Variants in FLACC1 observed in about 807,000 individuals in gnomAD.
The protein encoded by FLACC1 is flagellum associated containing coiled-coil domains 1, also known as flagellum-associated coiled-coil domain-containing protein 1.
FLACC1 carries 66 observed loss-of-function variants against 62.8 expected under a neutral mutation model. The observed-to-expected ratio is 1.05, with a 90% CI of 0.86 to 1.29. The LOEUF is 1.29. Ranked by LOEUF, FLACC1 falls within the 50% of genes most tolerant of loss-of-function variation. The pLI is 0.00. For missense variants in FLACC1, 452 were observed against 489.1 expected (o/e 0.92, Z 0.71); for synonymous variants, 156 against 161.0 (o/e 0.97, Z 0.24).
intron 7 of FLACC1, among the ~76,000 whole-genome samples, 196 bp downstream of exon 7, chr2:201,342,170 ACTTT>A (rs1950821997): frequency 6.6e-6 from 1 of 152,182 alleles, no homozygotes; most frequent in African/African-American, 2.4e-5. Context: ...AGCAGTAATA[ACTTT>A]CTTTGTGGTT....
At chr2:201,355,737 G>C (rs6739454) in intron 1 of FLACC1, among the ~76,000 whole-genome samples, 4,288 of 152,052 alleles carry the variant, frequency 0.028, 206 homozygotes, top group African/African-American at 0.097. Flanking sequence ...GAGTGTGCCT[G>C]TAGTCCCAGC....
At chr2:201,334,861 G>T (rs921681674) in intron 7 of FLACC1, among the ~76,000 whole-genome samples, 3 of 151,486 alleles carry the variant, frequency 2.0e-5, no homozygotes, top group Non-Finnish European at 4.4e-5. Flanking sequence ...AATCTGAGAA[G>T]AATTGATGTT....
intron 7 of FLACC1, among the ~76,000 whole-genome samples, chr2:201,334,449 C>A (rs1366503017): frequency 6.6e-6 from 1 of 152,016 alleles, no homozygotes; most frequent in Non-Finnish European, 1.5e-5. Flanking sequence ...TTATAATGTT[C>A]TTGTCTGACT....
intron 11 of FLACC1, among the ~76,000 whole-genome samples, chr2:201,303,962 C>T (rs1466087584): frequency 6.6e-6 from 1 of 152,196 alleles, no homozygotes; most frequent in East Asian, 1.9e-4. Context: ...GACAAACCCA[C>T]AGCCAATATC....
At position 201,309,794 on chromosome 2, in the gene FLACC1, C is replaced by A. The variant is rs184234024; in HGVS notation, c.676-544G>T. Among the ~76,000 whole-genome samples, 37 of 150,208 alleles carry A rather than the reference C, an allele frequency of 2.5e-4. No individual in the cohort carries two copies. The East Asian group carries it at 6.1e-3, about 25-fold the overall frequency. ...TGGTGGCACACACCTGTAGTCCCAG[C>A]TACTTGGGAGGCTGAGGCAGGAGAC... is the stretch of plus-strand genomic sequence containing the variant. On this transcript the variant is annotated intron_variant, in intron 9 of 14. Transcript: ENST00000392257.
At position 201,348,104 on chromosome 2, in the gene FLACC1, C is replaced by T. The variant is rs540465758; in HGVS notation, c.234+150G>A. On this transcript the variant is annotated intron_variant, in intron 4 of 14. Coordinates refer to ENST00000392257, the MANE Select transcript of FLACC1 (RefSeq NM_001127391.3). ...AGTCGTGGTTCTTCCACTTACCTGC[C>T]GTGCATAATGTGCAATATTAACAGC... The T allele has an allele frequency of 1.9e-4, 128 of 682,204 alleles. No individual in the cohort carries two copies. In the South Asian group the frequency reaches 2.6e-3, roughly 14 times the overall value. 42.3% of individuals were successfully genotyped at this position (682,204 alleles called of 1,614,324 possible). A position where few individuals can be genotyped will look rare whatever the true frequency, so the allele number is the denominator to read the frequency against.
upstream of FLACC1, among the ~76,000 whole-genome samples, chr2:201,358,037 C>T (rs1326041737): frequency 6.6e-6 from 1 of 151,970 alleles, no homozygotes; most frequent in African/African-American, 2.4e-5. Flanking sequence ...ATTTCATGAT[C>T]CTGGTGGGTC....
chr2:201,314,633 C>T (rs543189811), intron 9 of FLACC1, among the ~76,000 whole-genome samples: 4 of 152,278 alleles, frequency 2.6e-5, no homozygotes, highest in East Asian at 1.9e-4. Context: ...TTGAGGGAAA[C>T]TTCCCCACCC....
At chr2:201,323,248 G>C (rs551014635) in intron 9 of FLACC1, among the ~76,000 whole-genome samples, 20 of 152,150 alleles carry the variant, frequency 1.3e-4, no homozygotes, top group African/African-American at 4.8e-4. Flanking sequence ...AAGAACTCCT[G>C]GGAAATTAAT....
chr2:201,329,026 G>A (rs183132003), intron 9 of FLACC1, among the ~76,000 whole-genome samples: 1 of 152,144 alleles, frequency 6.6e-6, no homozygotes, highest in Admixed American at 6.5e-5. Context: ...CTGTCCCTTT[G>A]TAGTAAGCCC....
chr2:201,323,809 G>GAAAAAAAAAAAAAAAAAAAATT, intron 9 of FLACC1, among the ~76,000 whole-genome samples: 1 of 77,388 alleles, frequency 1.3e-5, no homozygotes, highest in African/African-American at 4.8e-5. Flanking sequence ...AAAAAGTAAG[G>GAAAAAAAAAAAAAAAAAAAATT]AAGGAAGGAA....
In FLACC1 at chr2:201,288,518, C is replaced by G; in HGVS notation, c.*137G>C. ...ATTCAGATGCGAATTCAAACATTTT[C>G]AGACATTCAGAGAGTCAGAGCAACC... On this transcript the variant is annotated 3_prime_UTR_variant, in exon 15 of 15. Transcript: ENST00000392257. 1 of 1,052,044 alleles carries G rather than the reference C, an allele frequency of 9.5e-7. No homozygotes were observed. The allele number at this position is 1,052,044 out of a possible 1,614,324, so 65.2% of individuals were successfully genotyped here.
chr2:201,322,663 C>T (rs944196645), intron 9 of FLACC1, among the ~76,000 whole-genome samples: 51 of 152,178 alleles, frequency 3.4e-4, no homozygotes, highest in Admixed American at 9.8e-4. Context: ...AAAAGGAACT[C>T]TGGTAATATG....
At chr2:201,325,601 T>C (rs560548954) in intron 9 of FLACC1, among the ~76,000 whole-genome samples, 2 of 152,032 alleles carry the variant, frequency 1.3e-5, no homozygotes, top group Admixed American at 1.3e-4. Flanking sequence ...AACGTACAAC[T>C]CTCCTGTATT....
chr2:201,347,753 C>T (rs1335070178), intron 4 of FLACC1, among the ~76,000 whole-genome samples: 1 of 152,302 alleles, frequency 6.6e-6, no homozygotes, highest in South Asian at 2.1e-4. Flanking sequence ...TGGTCCTGTG[C>T]CTGCGTCAGA....
intron 11 of FLACC1, among the ~76,000 whole-genome samples, chr2:201,300,465 C>T (rs1325294990): frequency 6.6e-6 from 1 of 152,192 alleles, no homozygotes; most frequent in Admixed American, 6.5e-5. Context: ...CTCAAGGAGG[C>T]CTGCCTGCCT....
At chr2:201,301,489 C>G (rs1003246952) in intron 11 of FLACC1, among the ~76,000 whole-genome samples, 28 of 152,226 alleles carry the variant, frequency 1.8e-4, no homozygotes, top group African/African-American at 6.5e-4. Context: ...AGAATGGAAC[C>G]AAGTTGGAAA....
chr2:201,309,954 T>A (rs1034692019), intron 9 of FLACC1, among the ~76,000 whole-genome samples: 3 of 147,842 alleles, frequency 2.0e-5, no homozygotes, highest in Non-Finnish European at 4.5e-5. Context: ...ACCTAGTAGT[T>A]AATTTGAACA....
intron 9 of FLACC1, among the ~76,000 whole-genome samples, chr2:201,320,335 G>T (rs1950380511): frequency 6.6e-6 from 1 of 152,264 alleles, no homozygotes; most frequent in Non-Finnish European, 1.5e-5. Context: ...GAGTGCAGGA[G>T]CTGCCAGTGC....
Sources: gnomAD v4.1 joint callset for allele counts (sites outside exome capture counted in the v4.1 genomes callset) on GRCh38, gnomAD v4.1.1 for gene constraint, MANE v1.5 for transcripts, NCBI Gene and HGNC (gene_info 2026-07-23, HGNC 2026-07-21) for gene names.